Variants in PREPL observed in about 807,000 individuals in gnomAD.
PREPL encodes the protein prolyl endopeptidase-like.
PREPL carries 77 observed loss-of-function variants against 70.6 expected under a neutral mutation model. The ratio of observed to expected loss-of-function variants is 1.09; its 90% CI spans 0.91 to 1.32. The LOEUF (loss-of-function observed/expected upper bound fraction) is 1.32. Ranked by LOEUF, PREPL falls within the 40% of genes most tolerant of loss-of-function variation. The pLI is 0.00. For missense variants in PREPL, 1,002 were observed against 778.2 expected (o/e 1.29, Z -3.42); for synonymous variants, 315 against 264.8 (o/e 1.19, Z -1.84).
chr2:44,336,428 C>T (rs1301428040), intron 7 of PREPL, among the ~76,000 whole-genome samples: 1 of 152,084 alleles, frequency 6.6e-6, no homozygotes, highest in African/African-American at 2.4e-5. Flanking sequence ...AGCAAGCCAA[C>T]AGAGGAACAG....
In PREPL at chr2:44,361,475, C is replaced by G. The variant is rs749801018; in HGVS notation, c.-144G>C. The G allele has an allele frequency of 6.5e-6, 1 of 152,898 alleles. No homozygotes were observed. The highest frequency in any genetic ancestry group is 2.4e-5 in the African/African-American group (1 of 41,486). The allele number at this position is 152,898 out of a possible 1,614,324, so 9.5% of individuals were successfully genotyped here. A position where few individuals can be genotyped will look rare whatever the true frequency, so the allele number is the denominator to read the frequency against. On this transcript the variant is annotated 5_prime_UTR_variant, in exon 1 of 14. Coordinates refer to ENST00000409411, the MANE Select transcript of PREPL (RefSeq NM_001171613.2). ...AGAGGGGAGCAGGTGTCACCGCAGG[C>G]AAGTCCAGCCGAAGTCTGCGTTCCG...
In PREPL at chr2:44,356,810, ATTTTTT is replaced by A. The variant is rs60067050; in HGVS notation, c.-49+4564_-49+4569del. On this transcript the variant is annotated intron_variant, in intron 1 of 13. Coordinates refer to ENST00000409411, the MANE Select transcript of PREPL (RefSeq NM_001171613.2). Reference sequence around the variant, plus strand: ...ACAGAATGACAAGTTGAAACTCCCTATTTTTTTTTTTTTGAGACAGGGTATCCTTCT... The same window carrying A: ...ACAGAATGACAAGTTGAAACTCCCTATTTTTTTGAGACAGGGTATCCTTCT... Among the ~76,000 whole-genome samples, 7 of 148,248 alleles carry A rather than the reference ATTTTTT, an allele frequency of 4.7e-5. No individual in the cohort carries two copies. The South Asian group carries it at 1.5e-3, about 32-fold the overall frequency.
chr2:44,345,433 C>T (rs186518105), intron 2 of PREPL, among the ~76,000 whole-genome samples: 4 of 152,068 alleles, frequency 2.6e-5, no homozygotes, highest in African/African-American at 9.6e-5. Context: ...CTCAGGGCAA[C>T]CTCTGCATCC....
At chr2:44,361,220 G>A (rs1047116667) in intron 1 of PREPL, among the ~76,000 whole-genome samples, 160 bp downstream of exon 1, 1 of 152,174 alleles carries the variant, frequency 6.6e-6, no homozygotes, top group African/African-American at 2.4e-5. Flanking sequence ...TCCACCCCAG[G>A]GATGAGGCGA....
chr2:44,353,733 C>A (rs545394271), intron 1 of PREPL, among the ~76,000 whole-genome samples: 1 of 152,230 alleles, frequency 6.6e-6, no homozygotes, highest in African/African-American at 2.4e-5. Flanking sequence ...AGTTGATTTT[C>A]AGAAAGGACA....
Position 44,339,162 on chromosome 2 carries a change from T to C in PREPL, c.687A>G (p.Glu229=), listed in dbSNP as rs113272276. 1.0e-3 allele frequency: 1,664 copies of C among 1,613,910 alleles called. 2 individuals are homozygous for C. The highest frequency in any genetic ancestry group is 6.6e-3 in the Middle Eastern group (40 of 6,058). Residue 229 remains glutamate, a synonymous_variant, in exon 6 of 14, where the codon GAA becomes GAG. Transcript: ENST00000409411. ...DELYILTNVG[E]PTEFKLMRTA... Reference sequence around the variant, plus strand: ...CCAGGATTACCTTAAATTCTGTAGGTTCTCCAACATTAGTGAGAATGTATA... The same window carrying C: ...CCAGGATTACCTTAAATTCTGTAGGCTCTCCAACATTAGTGAGAATGTATA...
intron 10 of PREPL, among the ~76,000 whole-genome samples, chr2:44,324,148 G>A (rs1326240739): frequency 6.6e-6 from 1 of 152,156 alleles, no homozygotes; most frequent in African/African-American, 2.4e-5. Context: ...TGAACCTCAA[G>A]GATATAATCT....
intron 7 of PREPL, among the ~76,000 whole-genome samples, chr2:44,334,475 T>A (rs533232183): frequency 8.2e-4 from 125 of 152,204 alleles, no homozygotes; most frequent in African/African-American, 2.9e-3. Flanking sequence ...TTCCAGAAAA[T>A]ACTGATGGCA....
chr2:44,321,126 G>T lies in PREPL; in HGVS notation c.*230C>A. 1 of 505,556 alleles carries T rather than the reference G, an allele frequency of 2.0e-6. No individual in the cohort carries two copies. 31.3% of individuals were successfully genotyped at this position (505,556 alleles called of 1,614,324 possible). ...TTCCCTCTACTCCACATCCTTCTAAGGAGCATGATTTGAAAATTACTTTCC... is the reference window on the plus strand; with the variant it reads ...TTCCCTCTACTCCACATCCTTCTAATGAGCATGATTTGAAAATTACTTTCC... On this transcript the variant is annotated 3_prime_UTR_variant, in exon 14 of 14. Transcript: ENST00000409411.
chr2:44,334,620 A>T (rs1321351539), intron 7 of PREPL, among the ~76,000 whole-genome samples: 5 of 152,176 alleles, frequency 3.3e-5, no homozygotes. Context: ...ATCTCGGCTC[A>T]CTGCAGCCTC....
At position 44,347,713 on chromosome 2, in the gene PREPL, G is replaced by A. The variant is rs1291633148; in HGVS notation, c.-48-1323C>T. Among the ~76,000 whole-genome samples the A allele has an allele frequency of 2.0e-5, 3 of 152,292 alleles. No individual in the cohort carries two copies. The East Asian group carries it at 5.8e-4, about 29-fold the overall frequency. Reference sequence around the variant, plus strand: ...CAGCTCTCTGCCAAAGATGACAATTGTACAGTGATTTGTACCAGAGGGGGG... The same window carrying A: ...CAGCTCTCTGCCAAAGATGACAATTATACAGTGATTTGTACCAGAGGGGGG... On this transcript the variant is annotated intron_variant, in intron 1 of 13. Coordinates refer to ENST00000409411, the MANE Select transcript of PREPL (RefSeq NM_001171613.2).
chr2:44,326,592 C>T, intron 10 of PREPL, 120 bp downstream of exon 10: 1 of 1,035,310 alleles, frequency 9.7e-7, no homozygotes, highest in Non-Finnish European at 1.4e-6. Context: ...ACCTCAGTTT[C>T]CCGAAGTGCT....
chr2:44,331,729 C>T (rs1674113891), intron 8 of PREPL, among the ~76,000 whole-genome samples: 1 of 152,092 alleles, frequency 6.6e-6, no homozygotes, highest in Non-Finnish European at 1.5e-5. Flanking sequence ...GCAGTCAGTA[C>T]ATTATTAATG....
intron 9 of PREPL, among the ~76,000 whole-genome samples, chr2:44,328,438 CAA>C (rs1194898905): frequency 0.048 from 2,905 of 61,046 alleles, 35 homozygotes; most frequent in African/African-American, 0.18. Context: ...CTGTCTCAAA[CAA>C]AAAAAAAAAA....
At chr2:44,346,138 T>G in intron 2 of PREPL, 130 bp downstream of exon 2, 1 of 778,814 alleles carries the variant, frequency 1.3e-6, no homozygotes, top group Non-Finnish European at 2.0e-6. Context: ...TTTTAAGTTT[T>G]TCAGCATATT....
Position 44,318,032 on chromosome 2 carries a change from C to T in PREPL, c.*3324G>A. ...GAAGTTATCTTTTGACCTAATAATT[C>T]CATTCCTAATACTTAGAAATATTTG... On this transcript the variant is annotated 3_prime_UTR_variant, in exon 14 of 14. Transcript: ENST00000409411. The T allele has an allele frequency of 7.5e-6, 3 of 399,738 alleles. No individual in the cohort carries two copies. The highest frequency in any genetic ancestry group is 5.3e-5 in the South Asian group (3 of 56,482). 24.8% of individuals were successfully genotyped at this position (399,738 alleles called of 1,614,324 possible).
Position 44,321,450 on chromosome 2 carries a change from A to G in PREPL, c.1828-5T>C. On this transcript the variant is annotated splice_region_variant and splice_polypyrimidine_tract_variant and intron_variant, in intron 13 of 13. Coordinates refer to ENST00000409411, the MANE Select transcript of PREPL (RefSeq NM_001171613.2). ...GAATTTAATTTGGGCTGTAATCTAAAAGAAACACATTAAAAAAATTAAATA... is the reference window on the plus strand; with the variant it reads ...GAATTTAATTTGGGCTGTAATCTAAGAGAAACACATTAAAAAAATTAAATA... 1.2e-6 allele frequency: 2 copies of G among 1,610,574 alleles called. No homozygotes were observed. The highest frequency in any genetic ancestry group is 1.7e-4 in the Middle Eastern group (1 of 6,044).
chr2:44,322,209 C>T (rs1673039246), intron 12 of PREPL, among the ~76,000 whole-genome samples: 1 of 152,128 alleles, frequency 6.6e-6, no homozygotes, highest in Non-Finnish European at 1.5e-5. Context: ...GAAACACCAA[C>T]TACAGCAATG....
chr2:44,324,496 C>G (rs1302225369), intron 10 of PREPL, among the ~76,000 whole-genome samples: 1 of 151,950 alleles, frequency 6.6e-6, no homozygotes, highest in African/African-American at 2.4e-5. Flanking sequence ...AAGCAAAAAA[C>G]GCTAAGTAAA....
Sources: allele counts gnomAD v4.1 joint callset (sites outside exome capture counted in the v4.1 genomes callset), GRCh38; gene constraint gnomAD v4.1.1; transcripts MANE v1.5; gene names NCBI Gene and HGNC (gene_info 2026-07-23, HGNC 2026-07-21).